MTF1: variants seen among roughly 807,000 people sequenced by gnomAD.
MTF1 encodes MRE-binding transcription factor.
MTF1 carries 22 observed loss-of-function variants against 70.4 expected under a neutral mutation model. The observed-to-expected ratio is 0.31, with a 90% CI of 0.22 to 0.45. The LOEUF is 0.45. Ranked by LOEUF, MTF1 falls within the 20% of genes least tolerant of loss-of-function variation. MTF1 has a pLI of 1.00. For synonymous variants in MTF1, 333 were observed against 352.8 expected (o/e 0.94, Z 0.63); for missense variants, 649 against 922.0 (o/e 0.70, Z 3.83).
chr1:37,815,291 T>C lies in MTF1; in HGVS notation c.2107A>G (p.Thr703Ala), dbSNP rs749871544. The change falls in exon 11 of 11, where the codon ACT (threonine) becomes GCT (alanine). Residue 703 changes from threonine (T) to alanine (A), a missense_variant. Physicochemically the swap from Thr to Ala is moderately conservative, Grantham distance 58. Transcript: ENST00000373036. This position sits in a 1 kb window ranked among gnomAD's most constrained non-coding sequence, Gnocchi z 4.5. ...SSCEQSRQAE[T>A]PSDPQTETLS... ...GTTTCTGTCTGAGGGTCTGAAGGAG[T>C]CTCTGCTTGTCGGCTTTGCTCACAG... The C allele has an allele frequency of 6.2e-7, 1 of 1,613,536 alleles. No homozygotes were observed. Among genetic ancestry groups the C allele is most frequent in the Non-Finnish European group, 8.5e-7 (1 of 1,179,938 alleles).
intron 9 of MTF1, among the ~76,000 whole-genome samples, chr1:37,819,631 G>A (rs938197827): frequency 2.0e-5 from 3 of 151,500 alleles, no homozygotes; most frequent in African/African-American, 7.3e-5. Flanking sequence ...AAAGCTTCTG[G>A]CTACGTTATA....
At chr1:37,856,701 T>C (rs539006396) in intron 2 of MTF1, among the ~76,000 whole-genome samples, 15 of 151,896 alleles carry the variant, frequency 9.9e-5, no homozygotes, top group African/African-American at 3.6e-4. Flanking sequence ...GGTTTCACCA[T>C]GTTGGCCAGG....
chr1:37,844,590 G>C (rs1641306071), intron 2 of MTF1, among the ~76,000 whole-genome samples: 1 of 152,184 alleles, frequency 6.6e-6, no homozygotes, highest in Non-Finnish European at 1.5e-5. Context: ...GGAGAAATGG[G>C]ATTGTGGATG....
At chr1:37,838,551 TGAAAAA>T in intron 4 of MTF1, 68 bp downstream of exon 4, 1 of 1,371,342 alleles carries the variant, frequency 7.3e-7, no homozygotes. Flanking sequence ...CTTTCTTTTT[TGAAAAA>T]TTCCAGAGTA....
At chr1:37,824,571 G>C (rs1440284000) in intron 7 of MTF1, among the ~76,000 whole-genome samples, 1 of 152,090 alleles carries the variant, frequency 6.6e-6, no homozygotes, top group Non-Finnish European at 1.5e-5. Flanking sequence ...GGTGGCAGGC[G>C]CCTGTAATCC....
intron 4 of MTF1, among the ~76,000 whole-genome samples, chr1:37,838,281 T>C (rs1389926289): frequency 6.6e-6 from 1 of 152,210 alleles, no homozygotes; most frequent in Admixed American, 6.5e-5. Flanking sequence ...TTGTGGTTTT[T>C]TGTCACCAGA....
chr1:37,857,789 C>T (rs1020657573), intron 1 of MTF1, 80 bp from the exon 2 acceptor site: 13 of 807,802 alleles, frequency 1.6e-5, no homozygotes, highest in Non-Finnish European at 2.5e-5. Flanking sequence ...CTCATTTTCC[C>T]TCTCACTTAA....
In MTF1 at chr1:37,822,240, T is replaced by C. The variant is rs200537304; in HGVS notation, c.1648A>G (p.Ile550Val). The change falls in exon 9 of 11, where the codon ATA becomes GTA. Residue 550 changes from isoleucine to valine, a missense_variant. Physicochemically the swap from Ile to Val is conservative, Grantham distance 29. Coordinates refer to ENST00000373036, the MANE Select transcript of MTF1 (RefSeq NM_005955.3). ...GTGTTGGGAGTTGGGGTGATGGTTA[T>C]TGTGGGATTATTAGTTAGGACAGAG... is the stretch of plus-strand genomic sequence containing the variant. The part of the protein sequence containing the change: ...ANSVLTNNPT[I>V]TITPTPNTAI... 12 of 1,614,138 alleles carry C rather than the reference T, an allele frequency of 7.4e-6. No individual in the cohort carries two copies. The East Asian group carries it at 1.6e-4, about 21-fold the overall frequency.
intron 7 of MTF1, chr1:37,826,667 T>C (rs1244092680): frequency 1.2e-5 from 5 of 429,888 alleles, no homozygotes; most frequent in African/African-American, 8.3e-5. Context: ...ATTGCCAATA[T>C]GATAGAAGGT....
At chr1:37,856,499 C>CT (rs35260301) in intron 2 of MTF1, among the ~76,000 whole-genome samples, 11,627 of 122,634 alleles carry the variant, frequency 0.095, 642 homozygotes, top group Middle Eastern at 0.21. Flanking sequence ...GAATTTCTTT[C>CT]TTTTTTTTTT....
At chr1:37,844,656 A>G (rs1373012169) in intron 2 of MTF1, among the ~76,000 whole-genome samples, 1 of 152,222 alleles carries the variant, frequency 6.6e-6, no homozygotes, top group Non-Finnish European at 1.5e-5. Flanking sequence ...ATGCTGAATG[A>G]TAAGAGCAGA....
chr1:37,824,907 G>A (rs927289076), intron 7 of MTF1, among the ~76,000 whole-genome samples: 1 of 152,040 alleles, frequency 6.6e-6, no homozygotes, highest in East Asian at 1.9e-4. Context: ...TGTGAGGGGG[G>A]AGACCCAACA....
chr1:37,852,272 T>C (rs548849904), intron 2 of MTF1, among the ~76,000 whole-genome samples: 8 of 152,226 alleles, frequency 5.3e-5, no homozygotes, highest in Non-Finnish European at 8.8e-5. Flanking sequence ...TGACCTCAGA[T>C]ACACGTTTCC....
intron 3 of MTF1, 41 bp from the exon 4 acceptor site, chr1:37,838,797 C>CTCTTTTT: frequency 2.1e-6 from 1 of 473,688 alleles, no homozygotes; most frequent in Non-Finnish European, 2.9e-6. Flanking sequence ...TCATAAAATT[C>CTCTTTTT]TTTTTTTTTT....
Position 37,840,288 on chromosome 1 carries a change from C to T in MTF1, c.409-130G>A, listed in dbSNP as rs1443086114. The T allele has an allele frequency of 4.1e-6, 3 of 734,854 alleles. No homozygotes were observed. Among genetic ancestry groups the T allele is most frequent in the Non-Finnish European group, 6.9e-6 (3 of 434,756 alleles). 45.5% of individuals were successfully genotyped at this position (734,854 alleles called of 1,614,324 possible). A position where few individuals can be genotyped will look rare whatever the true frequency, so the allele number is the denominator to read the frequency against. ...GGGTTTTCATCATAAACACAGAAAA[C>T]AGCCTCTAGCAGCAAAGTGGAAAAA... On this transcript the variant is annotated intron_variant, in intron 2 of 10. Coordinates refer to ENST00000373036, the MANE Select transcript of MTF1 (RefSeq NM_005955.3). This position sits in a 1 kb window ranked among gnomAD's most constrained non-coding sequence, Gnocchi z 4.5.
In MTF1 at chr1:37,840,983, T is replaced by G. The variant is rs1194132240; in HGVS notation, c.409-825A>C. On this transcript the variant is annotated intron_variant, in intron 2 of 10. Coordinates refer to ENST00000373036, the MANE Select transcript of MTF1 (RefSeq NM_005955.3). The surrounding 1 kb of genome is among the most constrained non-coding windows in gnomAD (Gnocchi z 4.5). ...CAGAGGCAAGGCTGAGAACAAGGAG[T>G]GGATGCCCATCACCAAGCTGGGCTG... 3 of 214,168 alleles carry G rather than the reference T, an allele frequency of 1.4e-5. No individual in the cohort carries two copies. The highest frequency in any genetic ancestry group is 7.2e-5 in the African/African-American group (3 of 41,912). 13.3% of individuals were successfully genotyped at this position (214,168 alleles called of 1,614,324 possible).
chr1:37,817,344 A>G, intron 10 of MTF1, 75 bp downstream of exon 10: 1 of 890,536 alleles, frequency 1.1e-6, no homozygotes, highest in Non-Finnish European at 1.9e-6. Flanking sequence ...AGAAACTGGG[A>G]CAAAGCAATA....
At chr1:37,839,040 G>A (rs944573654) in intron 3 of MTF1, among the ~76,000 whole-genome samples, 4 of 151,862 alleles carry the variant, frequency 2.6e-5, no homozygotes, top group Non-Finnish European at 5.9e-5. Flanking sequence ...CTGACCTCAG[G>A]TGATCCGCCT....
At chr1:37,845,737 C>T (rs1641322123) in intron 2 of MTF1, among the ~76,000 whole-genome samples, 1 of 152,110 alleles carries the variant, frequency 6.6e-6, no homozygotes, top group Non-Finnish European at 1.5e-5. Flanking sequence ...AACTCCTGGC[C>T]TCAAATAAAT....
Sources: allele counts gnomAD v4.1 joint callset (sites outside exome capture counted in the v4.1 genomes callset), GRCh38; gene constraint gnomAD v4.1.1; non-coding constraint Gnocchi (gnomAD v3.1); transcripts MANE v1.5; gene names NCBI Gene and HGNC (gene_info 2026-07-23, HGNC 2026-07-21).